Variants in QTMAN observed in about 807,000 individuals in gnomAD.
QTMAN encodes tRNA-queuosine alpha-mannosyltransferase.
At chr2:144,289,563 T>A in the QTMAN span, among the ~76,000 whole-genome samples, 2 of 152,010 alleles carry the variant, frequency 1.3e-5, no homozygotes, top group African/African-American at 2.4e-5. Context: ...GTAAGAAGCA[T>A]CCAGTGGGGA....
chr2:143,978,754 A>T, the QTMAN span, among the ~76,000 whole-genome samples: 1 of 152,198 alleles, frequency 6.6e-6, no homozygotes, highest in Non-Finnish European at 1.5e-5. Flanking sequence ...CCTCTCTCCA[A>T]GTTCATTATT....
chr2:144,309,655 G>A, the QTMAN span, among the ~76,000 whole-genome samples: 1 of 152,186 alleles, frequency 6.6e-6, no homozygotes, highest in Non-Finnish European at 1.5e-5. Context: ...TGATGGAGAT[G>A]TTCTGTACCT....
chr2:144,116,080 T>A, the QTMAN span, among the ~76,000 whole-genome samples: 1 of 152,066 alleles, frequency 6.6e-6, no homozygotes, highest in Non-Finnish European at 1.5e-5. Context: ...TACGTTGAAT[T>A]AGTAAAATAT....
At chr2:144,166,154 T>C in the QTMAN span, among the ~76,000 whole-genome samples, 2 of 152,214 alleles carry the variant, frequency 1.3e-5, no homozygotes, top group Admixed American at 6.5e-5. Flanking sequence ...GAAATGACTA[T>C]GACTATGATT....
the QTMAN span, among the ~76,000 whole-genome samples, chr2:144,232,559 T>C: frequency 1.3e-5 from 2 of 152,172 alleles, no homozygotes; most frequent in East Asian, 1.9e-4. Flanking sequence ...AATTTTCTTA[T>C]TGCCAAAAAT....
chr2:144,056,255 A>G, the QTMAN span, among the ~76,000 whole-genome samples: 1 of 152,248 alleles, frequency 6.6e-6, no homozygotes, highest in Non-Finnish European at 1.5e-5. Context: ...GTGAAATGTC[A>G]AGACTTTTAA....
the QTMAN span, among the ~76,000 whole-genome samples, chr2:143,948,453 G>C: frequency 2.0e-5 from 3 of 152,072 alleles, no homozygotes; most frequent in African/African-American, 7.2e-5. Flanking sequence ...TTTTAAACCA[G>C]AGAATACCAT....
At chr2:144,320,690 C>CTG in the QTMAN span, among the ~76,000 whole-genome samples, 22 of 152,188 alleles carry the variant, frequency 1.4e-4, no homozygotes, top group Non-Finnish European at 2.9e-4. Flanking sequence ...TCAGTCTAGT[C>CTG]TGGCAGTATT....
chr2:144,314,440 C>T, the QTMAN span, among the ~76,000 whole-genome samples: 1 of 152,198 alleles, frequency 6.6e-6, no homozygotes, highest in African/African-American at 2.4e-5. Context: ...GGGCCAGACG[C>T]AGTGGCTGAA....
the QTMAN span, among the ~76,000 whole-genome samples, chr2:144,255,436 G>A: frequency 6.2e-3 from 947 of 152,178 alleles, 15 homozygotes; most frequent in African/African-American, 0.022. Flanking sequence ...TTTGGTTTCC[G>A]CCATGGTTGT....
the QTMAN span, among the ~76,000 whole-genome samples, chr2:144,322,548 T>C: frequency 2.0e-5 from 3 of 152,170 alleles, no homozygotes; most frequent in South Asian, 6.2e-4. Flanking sequence ...ATTCTCATAT[T>C]GGTGTCTACA....
the QTMAN span, chr2:144,177,296 A>C: frequency 1.6e-6 from 1 of 634,800 alleles, no homozygotes; most frequent in African/African-American, 1.8e-5. Context: ...AAACTAGACA[A>C]ACTGATTCTA....
chr2:144,017,011 C>CT, the QTMAN span, among the ~76,000 whole-genome samples: 6,972 of 146,610 alleles, frequency 0.048, 264 homozygotes, highest in East Asian at 0.17. Context: ...CCAAATGTTA[C>CT]TTTTTTTTTT....
chr2:144,316,546 C>T, the QTMAN span, among the ~76,000 whole-genome samples: 2 of 152,280 alleles, frequency 1.3e-5, no homozygotes, highest in East Asian at 3.9e-4. Flanking sequence ...AGCTCATGAT[C>T]ACCTGCCCTC....
At chr2:143,961,504 ATTAATTAATTTATT>A in the QTMAN span, among the ~76,000 whole-genome samples, 1 of 152,062 alleles carries the variant, frequency 6.6e-6, no homozygotes, top group Non-Finnish European at 1.5e-5. Flanking sequence ...GATCTTTTCC[ATTAATTAATTTATT>A]TTCCTGTGTC....
At chr2:144,162,676 T>C in the QTMAN span, among the ~76,000 whole-genome samples, 3 of 152,008 alleles carry the variant, frequency 2.0e-5, no homozygotes, top group Admixed American at 6.6e-5. Flanking sequence ...TCATGGCAAC[T>C]GGCAACAAGA....
the QTMAN span, among the ~76,000 whole-genome samples, chr2:144,091,160 T>C: frequency 6.6e-6 from 1 of 151,846 alleles, no homozygotes; most frequent in African/African-American, 2.4e-5. Context: ...GATATCTATA[T>C]GTTAAAAAAA....
At chr2:144,007,664 TC>T in the QTMAN span, 1 of 638,970 alleles carries the variant, frequency 1.6e-6, no homozygotes, top group Non-Finnish European at 2.5e-6. Context: ...ATACAAAAAT[TC>T]CAGAAAAAGT....
the QTMAN span, among the ~76,000 whole-genome samples, chr2:144,193,210 T>C: frequency 1.3e-5 from 2 of 152,012 alleles, no homozygotes; most frequent in Admixed American, 1.3e-4. Context: ...ATATTATCTT[T>C]TTCATACTGA....
Sources: gnomAD v4.1 joint callset for allele counts (sites outside exome capture counted in the v4.1 genomes callset) on GRCh38, gnomAD v4.1.1 for gene constraint, MANE v1.5 for transcripts, NCBI Gene and HGNC (gene_info 2026-07-23, HGNC 2026-07-21) for gene names.